PRKCB: variants seen among roughly 807,000 people sequenced by gnomAD.
PRKCB encodes protein kinase C beta type.
A neutral mutation model predicts 81.5 loss-of-function variants in PRKCB; 13 were observed. The observed-to-expected ratio is 0.16, with a 90% CI of 0.10 to 0.25. The LOEUF is 0.25. Ranked by LOEUF, PRKCB falls within the 10% of genes least tolerant of loss-of-function variation. PRKCB has a pLI of 1.00. For synonymous variants in PRKCB, 335 were observed against 321.4 expected, an observed-to-expected ratio of 1.04 and a Z score of -0.45; for missense variants, 509 against 875.7, an observed-to-expected ratio of 0.58 and a Z score of 5.29.
At chr16:23,837,301 G>A (rs1174943404) in intron 1 of PRKCB, 74 bp from the exon 2 acceptor site, 1 of 1,578,496 alleles carries the variant, frequency 6.3e-7, no homozygotes, top group Non-Finnish European at 8.7e-7. Context: ...AGGAAGGCGG[G>A]TGACTCTGTG....
intron 3 of PRKCB, among the ~76,000 whole-genome samples, chr16:24,002,912 C>T (rs1446944457): frequency 1.3e-5 from 2 of 152,076 alleles, no homozygotes; most frequent in African/African-American, 4.8e-5. Flanking sequence ...GCTCCCTTAC[C>T]CTCTGACCTG....
intron 16 of PRKCB, among the ~76,000 whole-genome samples, chr16:24,205,145 CTTTTTTT>C (rs71154289): frequency 2.6e-5 from 3 of 115,678 alleles, no homozygotes; most frequent in East Asian, 2.5e-4. Context: ...ATTATAATTC[CTTTTTTT>C]TTTTTTTTTT....
chr16:24,071,500 G>A lies in PRKCB; in HGVS notation c.530-21291G>A, dbSNP rs188799169. The stretch of plus-strand genomic sequence containing the variant: ...TGGGGAAAAGGAATAAGAGGAGCCC[G>A]TCCAACCTTCCAATTTCCACCAATT... On this transcript the variant is annotated intron_variant, in intron 5 of 16. Transcript: ENST00000643927. 5.4e-5 allele frequency among the ~76,000 whole-genome samples: 8 copies of A among 149,026 alleles called. No homozygotes were observed. The East Asian group carries it at 1.4e-3, about 26-fold the overall frequency.
At chr16:24,030,921 C>A (rs770809710) in intron 3 of PRKCB, among the ~76,000 whole-genome samples, 3 of 146,234 alleles carry the variant, frequency 2.1e-5, no homozygotes, top group Non-Finnish European at 3.0e-5. Flanking sequence ...AAGATCAGCT[C>A]AGCATAGTTG....
chr16:24,027,026 T>C (rs945057793), intron 3 of PRKCB, among the ~76,000 whole-genome samples: 4 of 152,076 alleles, frequency 2.6e-5, no homozygotes, highest in Non-Finnish European at 5.9e-5. Flanking sequence ...ATACTTTAAG[T>C]TCTGGGGTAC....
chr16:24,040,144 A>G (rs1965681185), intron 5 of PRKCB, among the ~76,000 whole-genome samples: 1 of 152,172 alleles, frequency 6.6e-6, no homozygotes, highest in African/African-American at 2.4e-5. Flanking sequence ...GAGCTCATAT[A>G]TCTGTTCTTA....
At chr16:24,153,755 GC>G (rs1289860983) in intron 9 of PRKCB, among the ~76,000 whole-genome samples, 1 of 152,194 alleles carries the variant, frequency 6.6e-6, no homozygotes, top group Non-Finnish European at 1.5e-5. Flanking sequence ...ATAGAAGGAA[GC>G]CCCAAGACAA....
At chr16:23,852,162 G>T (rs148351442) in intron 2 of PRKCB, among the ~76,000 whole-genome samples, 2 of 152,122 alleles carry the variant, frequency 1.3e-5, no homozygotes, top group Non-Finnish European at 2.9e-5. Context: ...CTATTGAAAA[G>T]AAAGGGTGAG....
chr16:24,113,325 T>G (rs1217802255), intron 8 of PRKCB, among the ~76,000 whole-genome samples: 10 of 151,558 alleles, frequency 6.6e-5, no homozygotes, highest in Admixed American at 5.9e-4. Flanking sequence ...TGTCTTGCTT[T>G]CTTTCTTGCT....
At chr16:23,898,329 A>C (rs1963413611) in intron 2 of PRKCB, among the ~76,000 whole-genome samples, 1 of 152,046 alleles carries the variant, frequency 6.6e-6, no homozygotes, top group South Asian at 2.1e-4. Flanking sequence ...GGCCTCCCAA[A>C]GTGCTGGGAT....
intron 3 of PRKCB, among the ~76,000 whole-genome samples, chr16:24,028,701 C>T (rs1376583323): frequency 6.6e-6 from 1 of 152,246 alleles, no homozygotes; most frequent in Non-Finnish European, 1.5e-5. Context: ...GTGGATGCCT[C>T]ACACTGTATC....
At chr16:23,849,699 A>G (rs1962440098) in intron 2 of PRKCB, among the ~76,000 whole-genome samples, 1 of 152,146 alleles carries the variant, frequency 6.6e-6, no homozygotes, top group Admixed American at 6.5e-5. Context: ...TTTTTAAAAA[A>G]ACTATTAATA....
chr16:24,138,845 CTTTTTTTTTTTTTTT>C (rs991952336), intron 9 of PRKCB, among the ~76,000 whole-genome samples: 3 of 78,846 alleles, frequency 3.8e-5, no homozygotes, highest in Middle Eastern at 0.015. Flanking sequence ...CAGTATTTGT[CTTTTTTTTTTTTTTT>C]TTTTTTTTTT....
intron 2 of PRKCB, among the ~76,000 whole-genome samples, chr16:23,908,024 T>G (rs888796050): frequency 6.6e-6 from 1 of 152,146 alleles, no homozygotes; most frequent in Non-Finnish European, 1.5e-5. Flanking sequence ...ACGTGTCTAT[T>G]CGGAGATTTG....
chr16:24,040,100 C>G (rs1965680810), intron 5 of PRKCB, among the ~76,000 whole-genome samples: 1 of 152,146 alleles, frequency 6.6e-6, no homozygotes, highest in Admixed American at 6.5e-5. Flanking sequence ...CTCTAGAGGT[C>G]AAAGGTTTTC....
intron 5 of PRKCB, among the ~76,000 whole-genome samples, chr16:24,065,484 C>T (rs1966022138): frequency 6.6e-6 from 1 of 151,982 alleles, no homozygotes; most frequent in African/African-American, 2.4e-5. Flanking sequence ...ACATTTTAGT[C>T]CTGTTTACCC....
chr16:23,893,389 A>C (rs761885948), intron 2 of PRKCB: 5 of 152,220 alleles, frequency 3.3e-5, no homozygotes, highest in African/African-American at 9.6e-5. Flanking sequence ...GGCTGGTTTA[A>C]CAGAGATTAT....
intron 9 of PRKCB, among the ~76,000 whole-genome samples, chr16:24,148,887 G>C (rs1967033179): frequency 6.6e-6 from 1 of 152,174 alleles, no homozygotes; most frequent in South Asian, 2.1e-4. Context: ...TAGAGAAAGA[G>C]GGACTTGATA....
In PRKCB at chr16:24,174,557, A is replaced by G. The variant is rs376961976; in HGVS notation, c.1371A>G (p.Leu457=). The change falls in exon 12 of 17, where the codon TTA becomes TTG. Residue 457 remains leucine, a synonymous_variant. Coordinates refer to ENST00000643927, the MANE Select transcript of PRKCB (RefSeq NM_002738.7). ...AAEIAIGLFF[L]QSKGIIYRDL... The stretch of plus-strand genomic sequence containing the variant: ...AAATTGCCATCGGTCTGTTCTTCTT[A>G]CAGAGTAAGGGCATCATTTACCGGT... 6 of 1,611,216 alleles carry G rather than the reference A, an allele frequency of 3.7e-6. No individual in the cohort carries two copies. The highest frequency in any genetic ancestry group is 2.2e-5 in the East Asian group (1 of 44,768).
Sources: allele counts gnomAD v4.1 joint callset (sites outside exome capture counted in the v4.1 genomes callset), GRCh38; gene constraint gnomAD v4.1.1; transcripts MANE v1.5; gene names NCBI Gene and HGNC (gene_info 2026-07-23, HGNC 2026-07-21).